Variants in TMEM63C observed in about 807,000 individuals in gnomAD.
The protein encoded by TMEM63C is osmosensitive cation channel TMEM63C.
A neutral mutation model predicts 99.2 loss-of-function variants in TMEM63C; 32 were observed. The ratio of observed to expected loss-of-function variants is 0.32; its 90% CI spans 0.24 to 0.43. The LOEUF (loss-of-function observed/expected upper bound fraction) is 0.43. Ranked by LOEUF, TMEM63C falls within the 20% of genes least tolerant of loss-of-function variation. The pLI is 1.00. For synonymous variants in TMEM63C, 376 were observed against 397.9 expected, an observed-to-expected ratio of 0.94 and a Z score of 0.66; for missense variants, 826 against 1,053.0, an observed-to-expected ratio of 0.78 and a Z score of 2.98.
At chr14:77,235,296 T>C (rs1485790433) in intron 8 of TMEM63C, among the ~76,000 whole-genome samples, 1 of 146,282 alleles carries the variant, frequency 6.8e-6, no homozygotes, top group East Asian at 2.0e-4. Flanking sequence ...TTGTGATCGG[T>C]GGGAGGGGAG....
rs766662155 is a variant in TMEM63C at position 77,256,766 on chromosome 14, CA to C, written c.*41del. ...CTCCACTGGCGACTTGTTGAGGGGT[CA>C]GGGGAGGGCCTGGCAAGGGGAGGCA... is the stretch of plus-strand genomic sequence containing the variant. On this transcript the variant is annotated 3_prime_UTR_variant, in exon 24 of 24. Transcript: ENST00000298351. The C allele has an allele frequency of 1.3e-6, 2 of 1,595,582 alleles. No homozygotes were observed. The highest frequency in any genetic ancestry group is 4.5e-5 in the East Asian group (2 of 44,598).
rs1889315693 is a variant in TMEM63C, at chr14:77,249,176, G to A, written c.1871-115G>A. On this transcript the variant is annotated intron_variant, in intron 20 of 23. Coordinates refer to ENST00000298351, the MANE Select transcript of TMEM63C (RefSeq NM_020431.4). ...ACGGAGCTCCCCCAACCCATCCTTG[G>A]TTGTTGTGACTCTGACAGCCGTGGA... 1.7e-5 allele frequency: 19 copies of A among 1,151,390 alleles called. No individual in the cohort carries two copies. In the Admixed American group the frequency reaches 3.6e-4, roughly 22 times the overall value. The allele number at this position is 1,151,390 out of a possible 1,614,324, so 71.3% of individuals were successfully genotyped here. A position where few individuals can be genotyped will look rare whatever the true frequency, so the allele number is the denominator to read the frequency against.
chr14:77,191,606 G>A (rs2140090593), intron 1 of TMEM63C, among the ~76,000 whole-genome samples: 1 of 126,904 alleles, frequency 7.9e-6, no homozygotes, highest in East Asian at 2.6e-4. Flanking sequence ...GTGCAATGGT[G>A]CAATCTCGGC....
At chr14:77,253,227 G>A in intron 22 of TMEM63C, 78 bp from the exon 23 acceptor site, 2 of 1,322,896 alleles carry the variant, frequency 1.5e-6, no homozygotes, top group Non-Finnish European at 1.1e-6. Context: ...GCCCAGGTGT[G>A]GAGTTGAGGC....
At chr14:77,191,653 T>A (rs900054069) in intron 1 of TMEM63C, among the ~76,000 whole-genome samples, 2 of 147,650 alleles carry the variant, frequency 1.4e-5, no homozygotes, top group Non-Finnish European at 3.0e-5. Context: ...CAAGCATTTC[T>A]CCTGCCTCAG....
intron 1 of TMEM63C, among the ~76,000 whole-genome samples, chr14:77,194,334 A>ATGTGTG (rs756163017): frequency 2.3e-3 from 166 of 72,008 alleles, no homozygotes; most frequent in South Asian, 0.016. Context: ...AGATATATAT[A>ATGTGTG]TATGTGTGTG....
chr14:77,187,970 T>A (rs1445708729), intron 1 of TMEM63C, among the ~76,000 whole-genome samples: 1 of 152,154 alleles, frequency 6.6e-6, no homozygotes, highest in East Asian at 1.9e-4. Flanking sequence ...CAGATGCCCT[T>A]GAAGTTTTTG....
intron 1 of TMEM63C, among the ~76,000 whole-genome samples, chr14:77,187,880 C>T (rs1231208639): frequency 6.6e-6 from 1 of 152,246 alleles, no homozygotes; most frequent in Non-Finnish European, 1.5e-5. Flanking sequence ...AAGCCCAACC[C>T]ATCTTCTCCA....
rs1045567335 is a variant in TMEM63C, at chr14:77,246,770, A to G, written c.1601+96A>G. The stretch of plus-strand genomic sequence containing the variant: ...GAGTCCAGCACCTGAATTTGCTCAC[A>G]GAAGTGTAGACAAATGCTTGTGAAC... On this transcript the variant is annotated intron_variant, in intron 18 of 23. Coordinates refer to ENST00000298351, the MANE Select transcript of TMEM63C (RefSeq NM_020431.4). 5.8e-6 allele frequency: 6 copies of G among 1,027,424 alleles called. No homozygotes were observed. The South Asian group carries it at 7.5e-5, about 13-fold the overall frequency. 63.6% of individuals were successfully genotyped at this position (1,027,424 alleles called of 1,614,324 possible). A position where few individuals can be genotyped will look rare whatever the true frequency, so the allele number is the denominator to read the frequency against.
intron 2 of TMEM63C, among the ~76,000 whole-genome samples, chr14:77,213,939 G>A (rs1400972524): frequency 6.6e-6 from 1 of 152,112 alleles, no homozygotes; most frequent in Non-Finnish European, 1.5e-5. Flanking sequence ...GTGGGAGTGG[G>A]AGGAGTTTTG....
chr14:77,255,916 T>C (rs892111336), intron 23 of TMEM63C, among the ~76,000 whole-genome samples: 2 of 152,254 alleles, frequency 1.3e-5, no homozygotes, highest in African/African-American at 4.8e-5. Context: ...TTTCATTCCA[T>C]TCCCTAATAA....
At chr14:77,224,430 A>G (rs1429470590) in intron 5 of TMEM63C, among the ~76,000 whole-genome samples, 1 of 152,020 alleles carries the variant, frequency 6.6e-6, no homozygotes, top group African/African-American at 2.4e-5. Context: ...AGTGCACATG[A>G]CCCAAATGGG....
At chr14:77,245,385 C>G (rs1005943163) in intron 16 of TMEM63C, among the ~76,000 whole-genome samples, 1 of 152,158 alleles carries the variant, frequency 6.6e-6, no homozygotes, top group Non-Finnish European at 1.5e-5. Flanking sequence ...CCAGCCCAGA[C>G]CTCTACTCTG....
rs116835621 is a variant in TMEM63C at position 77,189,909 on chromosome 14, C to T, written c.-77+8015C>T. On this transcript the variant is annotated intron_variant, in intron 1 of 23. Coordinates refer to ENST00000298351, the MANE Select transcript of TMEM63C (RefSeq NM_020431.4). ...TTTGTATCAAGCTGTCCCTCTGCTG[C>T]CCTCTCATCCCCTTCTCTGATTTCA... Among the ~76,000 whole-genome samples, 742 of 152,304 alleles carry T rather than the reference C, an allele frequency of 4.9e-3. 9 individuals carry two copies. Among genetic ancestry groups the T allele is most frequent in the African/African-American group, 0.017 (716 of 41,556 alleles).
intron 1 of TMEM63C, among the ~76,000 whole-genome samples, chr14:77,204,912 A>G (rs1239405413): frequency 6.6e-6 from 1 of 152,218 alleles, no homozygotes; most frequent in Non-Finnish European, 1.5e-5. Context: ...GGGCCCAGAG[A>G]GTCTAGTACT....
At chr14:77,184,024 T>C (rs1169966924) in intron 1 of TMEM63C, among the ~76,000 whole-genome samples, 1 of 152,142 alleles carries the variant, frequency 6.6e-6, no homozygotes. Context: ...GCCCTCAGCA[T>C]CTCTACCTGA....
chr14:77,254,733 T>TA (rs1293604034), intron 23 of TMEM63C, among the ~76,000 whole-genome samples: 2 of 152,160 alleles, frequency 1.3e-5, no homozygotes, highest in African/African-American at 4.8e-5. Context: ...CCTATGCTTT[T>TA]AAAAAACACG....
intron 22 of TMEM63C, among the ~76,000 whole-genome samples, chr14:77,252,117 C>T (rs1271921610): frequency 6.6e-6 from 1 of 151,518 alleles, no homozygotes; most frequent in African/African-American, 2.4e-5. Context: ...GGCTCTGGCC[C>T]CCATCCAGAA....
intron 6 of TMEM63C, 71 bp downstream of exon 6, chr14:77,225,532 G>T: frequency 6.5e-7 from 1 of 1,541,176 alleles, no homozygotes; most frequent in Non-Finnish European, 8.9e-7. Context: ...TCCTGGAAAA[G>T]TTAGCAGCCC....
Sources: allele counts gnomAD v4.1 joint callset (sites outside exome capture counted in the v4.1 genomes callset), GRCh38; gene constraint gnomAD v4.1.1; transcripts MANE v1.5; gene names NCBI Gene and HGNC (gene_info 2026-07-23, HGNC 2026-07-21).